The following ABTB2 variants were observed in gnomAD, a reference collection of about 807,000 sequenced individuals.
The protein encoded by ABTB2 is ankyrin repeat and BTB domain containing 2, also known as ankyrin repeat and BTB/POZ domain-containing protein 2.
ABTB2 carries 56 observed loss-of-function variants against 104.1 expected under a neutral mutation model. That is an observed-to-expected ratio of 0.54 (90% CI 0.43 to 0.67). ABTB2 has a LOEUF of 0.67. Ranked by LOEUF, ABTB2 falls within the 30% of genes least tolerant of loss-of-function variation. The probability of loss-of-function intolerance (pLI) is 0.00; values close to 1 mark genes in which losing one functional copy is unlikely to be tolerated. For missense variants in ABTB2, 1,279 were observed against 1,407.7 expected (o/e 0.91, Z 1.46); for synonymous variants, 606 against 608.2 (o/e 1.00, Z 0.05).
At chr11:34,195,111 A>G (rs1388260748) in intron 3 of ABTB2, among the ~76,000 whole-genome samples, 1 of 130,526 alleles carries the variant, frequency 7.7e-6, no homozygotes, top group Admixed American at 8.3e-5. Flanking sequence ...AAGTGCCAGC[A>G]GAGGAATGAC....
At chr11:34,314,041 C>T (rs76885120) in intron 1 of ABTB2, among the ~76,000 whole-genome samples, 2,270 of 152,242 alleles carry the variant, frequency 0.015, 55 homozygotes, top group African/African-American at 0.051. Flanking sequence ...CTCTGGAAAC[C>T]GAGGGGGCTG....
chr11:34,202,717 A>G (rs571540002), intron 2 of ABTB2, among the ~76,000 whole-genome samples: 3 of 152,116 alleles, frequency 2.0e-5, no homozygotes, highest in Non-Finnish European at 4.4e-5. Flanking sequence ...GTGCACACCT[A>G]TAGTCCCAGC....
At chr11:34,171,606 A>T (rs1385077224) in intron 4 of ABTB2, among the ~76,000 whole-genome samples, 3 of 152,164 alleles carry the variant, frequency 2.0e-5, no homozygotes, top group African/African-American at 7.2e-5. Context: ...TAAGTAAGTA[A>T]GTGTTCTGAG....
At chr11:34,207,765 C>T (rs1853427277) in intron 1 of ABTB2, among the ~76,000 whole-genome samples, 1 of 152,260 alleles carries the variant, frequency 6.6e-6, no homozygotes, top group Admixed American at 6.5e-5. Flanking sequence ...TCTTCTCAAG[C>T]TGCTGAAATA....
intron 4 of ABTB2, among the ~76,000 whole-genome samples, chr11:34,172,518 G>A (rs1288667274): frequency 6.0e-5 from 9 of 150,894 alleles, no homozygotes; most frequent in Non-Finnish European, 8.8e-5. Flanking sequence ...GGCCAGGGAC[G>A]CTTCTCTAGA....
intron 1 of ABTB2, among the ~76,000 whole-genome samples, chr11:34,308,516 C>A (rs1214227007): frequency 6.6e-6 from 1 of 152,156 alleles, no homozygotes; most frequent in Non-Finnish European, 1.5e-5. Flanking sequence ...TAAGAATACT[C>A]ATGGATCTTG....
chr11:34,168,551 C>T (rs1043080595), intron 5 of ABTB2, among the ~76,000 whole-genome samples: 1 of 152,220 alleles, frequency 6.6e-6, no homozygotes, highest in African/African-American at 2.4e-5. Flanking sequence ...GCATCTCCCT[C>T]CATCATCGTA....
intron 1 of ABTB2, among the ~76,000 whole-genome samples, chr11:34,207,764 G>T (rs1853427234): frequency 6.6e-6 from 1 of 152,254 alleles, no homozygotes; most frequent in Admixed American, 6.5e-5. Flanking sequence ...TTCTTCTCAA[G>T]CTGCTGAAAT....
intron 1 of ABTB2, among the ~76,000 whole-genome samples, chr11:34,246,601 C>CAAAA (rs60681759): frequency 0.057 from 1,963 of 34,738 alleles, 408 homozygotes; most frequent in African/African-American, 0.096. Context: ...AACTCCATCT[C>CAAAA]AAAAAAAAAA....
chr11:34,159,159 G>C (rs1292948977), intron 14 of ABTB2, 137 bp downstream of exon 14: 1 of 668,938 alleles, frequency 1.5e-6, no homozygotes, highest in Non-Finnish European at 2.6e-6. Flanking sequence ...AGACCTGGAT[G>C]CTCTATTCAT....
chr11:34,216,161 A>AT (rs1438999655), intron 1 of ABTB2, among the ~76,000 whole-genome samples: 1 of 152,218 alleles, frequency 6.6e-6, no homozygotes, highest in Non-Finnish European at 1.5e-5. Context: ...AATATTGGAT[A>AT]CAAAGGGCTG....
chr11:34,326,705 A>G (rs1309525025), intron 1 of ABTB2, among the ~76,000 whole-genome samples: 1 of 152,158 alleles, frequency 6.6e-6, no homozygotes, highest in African/African-American at 2.4e-5. Flanking sequence ...GAACAAACAG[A>G]AACAAATAAT....
intron 1 of ABTB2, among the ~76,000 whole-genome samples, chr11:34,280,326 T>C (rs1267490578): frequency 2.6e-5 from 4 of 152,102 alleles, no homozygotes; most frequent in African/African-American, 9.7e-5. Context: ...TCCCAGGCCA[T>C]GGCTCTGCTA....
chr11:34,234,712 T>C (rs1853818070), intron 1 of ABTB2, among the ~76,000 whole-genome samples: 1 of 152,144 alleles, frequency 6.6e-6, no homozygotes, highest in African/African-American at 2.4e-5. Flanking sequence ...AGGTAACTAA[T>C]TGCCTATTGC....
At position 34,162,601 on chromosome 11, in the gene ABTB2, G is replaced by A; in HGVS notation, c.2193C>T (p.Asp731=). 1 of 1,613,612 alleles carries A rather than the reference G, an allele frequency of 6.2e-7. No individual in the cohort carries two copies. Among genetic ancestry groups the A allele is most frequent in the Non-Finnish European group, 8.5e-7 (1 of 1,179,972 alleles). ...MYYSAEHGYV[D]ITMELRALGV... Reference sequence around the variant, plus strand: ...CCAGTGCCCTCAGCTCCATGGTGATGTCCACGTAGCCGTGCTCAGCGCTGT... The same window carrying A: ...CCAGTGCCCTCAGCTCCATGGTGATATCCACGTAGCCGTGCTCAGCGCTGT... The change falls in exon 10 of 17, where the codon GAC becomes GAT. Residue 731 remains aspartate, a synonymous_variant. Transcript: ENST00000435224.
At chr11:34,304,822 C>T (rs913776635) in intron 1 of ABTB2, among the ~76,000 whole-genome samples, 3 of 152,142 alleles carry the variant, frequency 2.0e-5, no homozygotes, top group African/African-American at 4.8e-5. Context: ...CTCTTCACCA[C>T]CCAAAAGCCA....
chr11:34,167,654 T>C (rs1322941759), intron 6 of ABTB2, among the ~76,000 whole-genome samples: 1 of 152,118 alleles, frequency 6.6e-6, no homozygotes, highest in East Asian at 1.9e-4. Context: ...GAGGAAGATA[T>C]CATGAAAACA....
chr11:34,184,664 C>T (rs1853074801), intron 3 of ABTB2, among the ~76,000 whole-genome samples: 2 of 152,248 alleles, frequency 1.3e-5, no homozygotes, highest in African/African-American at 4.8e-5. Context: ...AGCATGGCTG[C>T]CCCAGCACAA....
At chr11:34,234,019 C>T (rs1212722007) in intron 1 of ABTB2, among the ~76,000 whole-genome samples, 2 of 152,144 alleles carry the variant, frequency 1.3e-5, no homozygotes, top group African/African-American at 2.4e-5. Context: ...CAGCTTGATC[C>T]CTCTCAGAAG....
Sources: allele counts gnomAD v4.1 joint callset (sites outside exome capture counted in the v4.1 genomes callset), GRCh38; gene constraint gnomAD v4.1.1; transcripts MANE v1.5; gene names NCBI Gene and HGNC (gene_info 2026-07-23, HGNC 2026-07-21).